Variants in NXPE2 observed in about 807,000 individuals in gnomAD.
NXPE2 encodes the protein neurexophilin and PC-esterase domain family member 2.
Under a neutral mutation model 34.4 loss-of-function variants are expected in NXPE2, and 34 were observed. The ratio of observed to expected loss-of-function variants is 0.99; its 90% CI spans 0.75 to 1.31. NXPE2 has a LOEUF of 1.31. Ranked by LOEUF, NXPE2 falls within the 40% of genes most tolerant of loss-of-function variation. NXPE2 has a pLI of 0.00. For synonymous variants in NXPE2, 235 were observed against 231.3 expected, an observed-to-expected ratio of 1.02 and a Z score of -0.15; for missense variants, 649 against 672.5, an observed-to-expected ratio of 0.97 and a Z score of 0.39.
the NXPE2 span, among the ~76,000 whole-genome samples, chr11:114,809,374 T>C: frequency 6.6e-6 from 1 of 151,662 alleles, no homozygotes; most frequent in Admixed American, 6.6e-5. Context: ...AAAGAAAGGG[T>C]ATTCAATTAG....
the NXPE2 span, among the ~76,000 whole-genome samples, chr11:114,518,924 A>G: frequency 1.3e-5 from 2 of 152,228 alleles, no homozygotes; most frequent in Non-Finnish European, 2.9e-5. Context: ...ATTTCATGCA[A>G]AGTGACAGCT....
the NXPE2 span, among the ~76,000 whole-genome samples, chr11:114,609,232 G>A: frequency 6.6e-6 from 1 of 151,672 alleles, no homozygotes; most frequent in East Asian, 2.0e-4. Flanking sequence ...TGCTTCGTGG[G>A]TAACCACTCT....
At chr11:114,759,106 ACTCTCT>A in the NXPE2 span, among the ~76,000 whole-genome samples, 7 of 151,424 alleles carry the variant, frequency 4.6e-5, no homozygotes, top group South Asian at 6.3e-4. Context: ...ACACACACAC[ACTCTCT>A]CTCTGTCTCT....
At chr11:114,776,847 C>T in the NXPE2 span, among the ~76,000 whole-genome samples, 1 of 152,176 alleles carries the variant, frequency 6.6e-6, no homozygotes, top group East Asian at 1.9e-4. Flanking sequence ...GTTAGTCTAT[C>T]AGTAGTTTTT....
chr11:114,752,208 G>A, the NXPE2 span, among the ~76,000 whole-genome samples: 150 of 152,378 alleles, frequency 9.8e-4, no homozygotes, highest in Admixed American at 8.2e-3. Context: ...AAGCCCCTGA[G>A]ACAGGAGTGT....
the NXPE2 span, among the ~76,000 whole-genome samples, chr11:114,783,091 T>A: frequency 2.6e-5 from 4 of 152,164 alleles, no homozygotes; most frequent in African/African-American, 9.7e-5. Flanking sequence ...CCCTGCAAAG[T>A]CCAAAACGAC....
the NXPE2 span, among the ~76,000 whole-genome samples, chr11:114,638,540 T>C: frequency 3.3e-5 from 5 of 152,092 alleles, no homozygotes; most frequent in Admixed American, 3.3e-4. Context: ...GGAGAGGTGC[T>C]CTGCTTTTTA....
the NXPE2 span, chr11:114,523,161 T>C: frequency 1.1e-5 from 12 of 1,118,702 alleles, no homozygotes; most frequent in African/African-American, 1.5e-4. Context: ...TTCCTGGTCT[T>C]TCATTTTCTT....
chr11:114,646,598 TTACA>T, the NXPE2 span, among the ~76,000 whole-genome samples: 703 of 152,150 alleles, frequency 4.6e-3, 3 homozygotes, highest in Non-Finnish European at 7.0e-3. Flanking sequence ...AGAAAATATG[TTACA>T]TATTCTCAGC....
chr11:114,530,396 A>G, the NXPE2 span: 1 of 1,614,080 alleles, frequency 6.2e-7, no homozygotes, highest in African/African-American at 1.3e-5. Context: ...TGCCTTTGAA[A>G]ATAATTTTAT....
chr11:114,530,816 C>A, the NXPE2 span: 3 of 1,614,138 alleles, frequency 1.9e-6, no homozygotes, highest in Admixed American at 1.7e-5. Context: ...CTGTTAGTGG[C>A]TTTAATGGTA....
At chr11:114,534,030 C>T in the NXPE2 span, among the ~76,000 whole-genome samples, 17 of 152,186 alleles carry the variant, frequency 1.1e-4, no homozygotes, top group Non-Finnish European at 1.8e-4. Flanking sequence ...CTGGGAGGCA[C>T]CCCCCAGTAG....
the NXPE2 span, among the ~76,000 whole-genome samples, chr11:114,557,821 A>G: frequency 6.6e-6 from 1 of 151,768 alleles, no homozygotes; most frequent in Non-Finnish European, 1.5e-5. Context: ...ACAAATTCTC[A>G]AGGTTACATT....
the NXPE2 span, among the ~76,000 whole-genome samples, chr11:114,770,714 CTAT>C: frequency 6.6e-6 from 1 of 152,192 alleles, no homozygotes; most frequent in Non-Finnish European, 1.5e-5. Flanking sequence ...TCCAACCAGT[CTAT>C]TTTATAGGCG....
chr11:114,746,452 C>A, the NXPE2 span, among the ~76,000 whole-genome samples: 3 of 152,134 alleles, frequency 2.0e-5, no homozygotes, highest in Admixed American at 1.3e-4. Context: ...AGGATTGTTA[C>A]AAAACCAGAG....
At chr11:114,783,076 C>T in the NXPE2 span, among the ~76,000 whole-genome samples, 3 of 152,048 alleles carry the variant, frequency 2.0e-5, no homozygotes, top group South Asian at 2.1e-4. Flanking sequence ...TTATTTACTC[C>T]GGCTCCCTGC....
At chr11:114,634,540 T>C in the NXPE2 span, among the ~76,000 whole-genome samples, 1 of 152,200 alleles carries the variant, frequency 6.6e-6, no homozygotes, top group African/African-American at 2.4e-5. Context: ...TCCTTGCCCA[T>C]GCCTATGTCC....
chr11:114,546,985 T>C, the NXPE2 span, among the ~76,000 whole-genome samples: 1 of 152,090 alleles, frequency 6.6e-6, no homozygotes, highest in Non-Finnish European at 1.5e-5. Flanking sequence ...TAAACAAATA[T>C]GTAAGGGATA....
the NXPE2 span, among the ~76,000 whole-genome samples, chr11:114,616,504 T>A: frequency 6.6e-6 from 1 of 151,690 alleles, no homozygotes; most frequent in Non-Finnish European, 1.5e-5. Context: ...TGTTAACCGG[T>A]GGATAATATG....
Sources: gnomAD v4.1 joint callset for allele counts (sites outside exome capture counted in the v4.1 genomes callset) on GRCh38, gnomAD v4.1.1 for gene constraint, MANE v1.5 for transcripts, NCBI Gene and HGNC (gene_info 2026-07-23, HGNC 2026-07-21) for gene names.